SYNJ2BP: variants seen among roughly 807,000 people sequenced by gnomAD.
The protein encoded by SYNJ2BP is synaptojanin-2-binding protein.
In SYNJ2BP, 10 loss-of-function variants were observed where a neutral mutation model predicts 16.9. That is an observed-to-expected ratio of 0.59 (90% CI 0.36 to 1.00). The LOEUF (loss-of-function observed/expected upper bound fraction) is 1.00, where lower values mean the gene tolerates loss of function less well. Ranked by LOEUF, SYNJ2BP falls within the 50% of genes least tolerant of loss-of-function variation. SYNJ2BP has a pLI of 0.01. For missense variants in SYNJ2BP, 162 were observed against 186.7 expected, an observed-to-expected ratio of 0.87 and a Z score of 0.77; for synonymous variants, 54 against 68.4, an observed-to-expected ratio of 0.79 and a Z score of 1.04.
chr14:70,410,829 C>T (rs901289836), intron 1 of SYNJ2BP, among the ~76,000 whole-genome samples: 5 of 152,072 alleles, frequency 3.3e-5, no homozygotes, highest in Admixed American at 2.6e-4. Flanking sequence ...CATAGACACA[C>T]AGAGGAGAAC....
In SYNJ2BP at chr14:70,371,382, G is replaced by A. The variant is rs1353690201; in HGVS notation, c.*1609C>T. 3 of 152,218 alleles carry A rather than the reference G, an allele frequency of 2.0e-5. No individual in the cohort carries two copies. The highest frequency in any genetic ancestry group is 4.8e-5 in the African/African-American group (2 of 41,452). 9.4% of individuals were successfully genotyped at this position (152,218 alleles called of 1,614,324 possible). ...AAAGGTTTATTAAAAGCCGTATGTA[G>A]TGTATAAAGCCTTTCAAAAATACTA... On this transcript the variant is annotated 3_prime_UTR_variant, in exon 4 of 4. Coordinates refer to ENST00000256366, the MANE Select transcript of SYNJ2BP (RefSeq NM_018373.3).
chr14:70,382,540 C>T (rs10146684), intron 2 of SYNJ2BP, among the ~76,000 whole-genome samples: 132,743 of 152,164 alleles, frequency 0.87, 57,966 homozygotes, highest in East Asian at 0.93. Context: ...CCCTGAGATT[C>T]TGCATTTCTA....
At chr14:70,398,122 G>C (rs1281946478) in intron 1 of SYNJ2BP, among the ~76,000 whole-genome samples, 1 of 150,788 alleles carries the variant, frequency 6.6e-6, no homozygotes, top group Non-Finnish European at 1.5e-5. Context: ...GCTCCTCTCT[G>C]GAGCTGGTCA....
intron 1 of SYNJ2BP, among the ~76,000 whole-genome samples, chr14:70,390,533 T>G (rs958178150): frequency 6.6e-6 from 1 of 151,974 alleles, no homozygotes; most frequent in African/African-American, 2.4e-5. Flanking sequence ...CTGGGCATGG[T>G]GGCAGGCACC....
intron 1 of SYNJ2BP, among the ~76,000 whole-genome samples, chr14:70,407,818 C>T (rs926054173): frequency 6.6e-6 from 1 of 152,150 alleles, no homozygotes; most frequent in African/African-American, 2.4e-5. Context: ...TGCTTATCTC[C>T]GTGACTTTGG....
At chr14:70,398,484 T>C (rs9788426) in intron 1 of SYNJ2BP, among the ~76,000 whole-genome samples, 130,818 of 152,218 alleles carry the variant, frequency 0.86, 56,259 homozygotes, top group East Asian at 0.93. Flanking sequence ...CAGAGAGGGC[T>C]GAGGCAGCAA....
chr14:70,399,782 C>G (rs1354912301), intron 1 of SYNJ2BP, among the ~76,000 whole-genome samples: 1 of 152,130 alleles, frequency 6.6e-6, no homozygotes, highest in Non-Finnish European at 1.5e-5. Context: ...CTCTCAGGAT[C>G]CTATCTAAGG....
intron 2 of SYNJ2BP, among the ~76,000 whole-genome samples, chr14:70,386,256 T>C (rs762183483): frequency 6.6e-6 from 1 of 152,250 alleles, no homozygotes; most frequent in Non-Finnish European, 1.5e-5. Context: ...TGAATGTCTT[T>C]CCTTGGGAGC....
Position 70,416,914 on chromosome 14 carries a change from G to A in SYNJ2BP, c.50C>T (p.Thr17Ile), listed in dbSNP as rs996113128. The change falls in exon 1 of 4, where the codon ACC (threonine) becomes ATC (isoleucine). Residue 17 changes from threonine (T) to isoleucine (I), a missense_variant. Physicochemically the swap from Thr to Ile is moderately conservative, Grantham distance 89 (BLOSUM62 -1). Transcript: ENST00000256366. Reference sequence around the variant, plus strand: ...TCCGCACATACCTGAGGGCCCTCTGGTAAGATTGATCTCTTCCTCAGTGAC... The same window carrying A: ...TCCGCACATACCTGAGGGCCCTCTGATAAGATTGATCTCTTCCTCAGTGAC... Reference protein sequence around the residue: ...YLVTEEEINLTRGPSGLGFNI... With the variant: ...YLVTEEEINLIRGPSGLGFNI... The A allele has an allele frequency of 1.9e-6, 3 of 1,614,104 alleles. No homozygotes were observed. The highest frequency in any genetic ancestry group is 2.5e-6 in the Non-Finnish European group (3 of 1,180,006).
intron 1 of SYNJ2BP, among the ~76,000 whole-genome samples, chr14:70,397,583 C>T (rs1241527935): frequency 3.3e-5 from 5 of 152,168 alleles, no homozygotes; most frequent in African/African-American, 7.2e-5. Flanking sequence ...CCAGGCGTAG[C>T]GCGAGCAGCT....
intron 2 of SYNJ2BP, among the ~76,000 whole-genome samples, chr14:70,388,237 A>C (rs1404184081): frequency 6.6e-6 from 1 of 152,226 alleles, no homozygotes; most frequent in Admixed American, 6.5e-5. Context: ...TGCTTTTTGA[A>C]CAAGTAACTT....
At chr14:70,405,482 G>T (rs1407309906) in intron 1 of SYNJ2BP, among the ~76,000 whole-genome samples, 4 of 152,074 alleles carry the variant, frequency 2.6e-5, no homozygotes, top group Admixed American at 6.5e-5. Context: ...TTTTGTGAGT[G>T]ATCAAGTTGG....
chr14:70,387,767 G>A (rs1371548432), intron 2 of SYNJ2BP, among the ~76,000 whole-genome samples: 2 of 151,214 alleles, frequency 1.3e-5, no homozygotes, highest in Non-Finnish European at 2.9e-5. Flanking sequence ...GGAGGCAGAG[G>A]TTGCGGTGAG....
At chr14:70,407,194 C>T (rs371777146) in intron 1 of SYNJ2BP, among the ~76,000 whole-genome samples, 46 of 152,138 alleles carry the variant, frequency 3.0e-4, no homozygotes, top group South Asian at 2.7e-3. Context: ...TTTGGGAGGC[C>T]GAGGCAGGTG....
At chr14:70,397,303 T>C (rs1888121968) in intron 1 of SYNJ2BP, among the ~76,000 whole-genome samples, 1 of 152,226 alleles carries the variant, frequency 6.6e-6, no homozygotes, top group Non-Finnish European at 1.5e-5. Context: ...AATTTGTTTA[T>C]AGTGTTGTTC....
chr14:70,373,006 G>C lies in SYNJ2BP; in HGVS notation c.423C>G (p.Tyr141Ter). Residue 141 changes from tyrosine (Y) to a stop codon, truncating the protein, a stop_gained, in exon 4 of 4, where the codon TAC becomes TAG. Transcript: ENST00000256366. LOFTEE classifies it high-confidence loss of function. ...AGCAAGTTTTTCAAAGTTGTTGCCG[G>C]TATCTCATGAAAGCCCAGGCTGCTA... ...TMVAAWAFMR[Y>*]RQQL 1 of 1,614,082 alleles carries C rather than the reference G, an allele frequency of 6.2e-7. No individual in the cohort carries two copies. Among genetic ancestry groups the C allele is most frequent in the Non-Finnish European group, 8.5e-7 (1 of 1,180,008 alleles).
intron 3 of SYNJ2BP, 122 bp downstream of exon 3, chr14:70,375,554 G>T: frequency 2.4e-6 from 3 of 1,275,162 alleles, no homozygotes; most frequent in Non-Finnish European, 3.2e-6. Context: ...CTTTGCCTGA[G>T]AAACTCTTCA....
intron 1 of SYNJ2BP, among the ~76,000 whole-genome samples, chr14:70,407,115 T>A (rs1888362023): frequency 6.7e-6 from 1 of 148,488 alleles, no homozygotes; most frequent in Non-Finnish European, 1.5e-5. Flanking sequence ...CAAAAGTAAT[T>A]GCAGTTTTTG....
chr14:70,366,932 T>C lies in SYNJ2BP; in HGVS notation c.*6059A>G, dbSNP rs1238530378. ...AAAGATTAAAATAGGATTCAATTAT[T>C]CATCTCCATTTGCAAATCTACAAAC... On this transcript the variant is annotated 3_prime_UTR_variant, in exon 4 of 4. Transcript: ENST00000256366. 4 of 152,230 alleles carry C rather than the reference T, an allele frequency of 2.6e-5. No homozygotes were observed. The highest frequency in any genetic ancestry group is 9.7e-5 in the African/African-American group (4 of 41,448). 9.4% of individuals were successfully genotyped at this position (152,230 alleles called of 1,614,324 possible).
Sources: allele counts gnomAD v4.1 joint callset (sites outside exome capture counted in the v4.1 genomes callset), GRCh38; gene constraint gnomAD v4.1.1; transcripts MANE v1.5; gene names NCBI Gene and HGNC (gene_info 2026-07-23, HGNC 2026-07-21).